CSMD1: variants seen among roughly 807,000 people sequenced by gnomAD.
The protein encoded by CSMD1 is CUB and sushi domain-containing protein 1.
In CSMD1, 213 loss-of-function variants were observed where a neutral mutation model predicts 417.5. The ratio of observed to expected loss-of-function variants is 0.51; its 90% CI spans 0.46 to 0.57. The LOEUF (loss-of-function observed/expected upper bound fraction) is 0.57. Among genes scored for constraint, CSMD1 ranks in the 20% least tolerant of loss-of-function variants. CSMD1 has a pLI of 0.00. For missense variants in CSMD1, 6,923 were observed against 4,529.7 expected, an observed-to-expected ratio of 1.53 and a Z score of -15.17; for synonymous variants, 2,862 against 1,736.8, an observed-to-expected ratio of 1.65 and a Z score of -16.11.
intron 9 of CSMD1, among the ~76,000 whole-genome samples, chr8:3,583,471 G>A (rs1282200038): frequency 6.6e-6 from 1 of 152,054 alleles, no homozygotes; most frequent in East Asian, 1.9e-4. Context: ...AGAGGTGGCA[G>A]AAGCTTAGCA....
intron 41 of CSMD1, among the ~76,000 whole-genome samples, chr8:3,138,462 C>T (rs1818237684): frequency 6.6e-6 from 1 of 152,182 alleles, no homozygotes; most frequent in African/African-American, 2.4e-5. Context: ...GAAGGCACCT[C>T]TATCCTGAGT....
At chr8:3,883,821 T>C (rs1806374350) in intron 5 of CSMD1, among the ~76,000 whole-genome samples, 1 of 151,936 alleles carries the variant, frequency 6.6e-6, no homozygotes, top group Non-Finnish European at 1.5e-5. Flanking sequence ...CAACTACTGA[T>C]CAGAGGAATG....
chr8:4,275,450 A>T (rs1321918357), intron 3 of CSMD1, among the ~76,000 whole-genome samples: 1 of 152,168 alleles, frequency 6.6e-6, no homozygotes, highest in East Asian at 1.9e-4. Context: ...TATGGCCTTT[A>T]TTTAAAATTT....
At chr8:4,212,542 C>G (rs937419087) in intron 3 of CSMD1, among the ~76,000 whole-genome samples, 3 of 151,776 alleles carry the variant, frequency 2.0e-5, no homozygotes, top group East Asian at 3.9e-4. Context: ...AAATTTGTAG[C>G]CTTTTTTTTT....
chr8:4,078,574 T>A (rs898424364), intron 3 of CSMD1, among the ~76,000 whole-genome samples: 2 of 151,564 alleles, frequency 1.3e-5, no homozygotes, highest in African/African-American at 4.8e-5. Context: ...GATATCCAAC[T>A]TTTTAAACAT....
intron 2 of CSMD1, among the ~76,000 whole-genome samples, chr8:4,529,322 T>C (rs1796677089): frequency 6.6e-6 from 1 of 152,182 alleles, no homozygotes; most frequent in African/African-American, 2.4e-5. Flanking sequence ...CAAAAAAAAT[T>C]ACAAGAATCC....
chr8:3,453,975 G>C (rs1179905440), intron 12 of CSMD1, among the ~76,000 whole-genome samples: 2 of 152,078 alleles, frequency 1.3e-5, no homozygotes, highest in East Asian at 1.9e-4. Context: ...CTAAGGACTT[G>C]CTTTATGAAT....
chr8:4,742,207 T>G (rs1233712324), intron 1 of CSMD1, among the ~76,000 whole-genome samples: 1 of 151,004 alleles, frequency 6.6e-6, no homozygotes, highest in Non-Finnish European at 1.5e-5. Flanking sequence ...ATTTTTTGTA[T>G]TTTTAGTAGA....
chr8:3,510,197 G>A (rs1286332849), intron 10 of CSMD1, among the ~76,000 whole-genome samples: 1 of 149,736 alleles, frequency 6.7e-6, no homozygotes, highest in Non-Finnish European at 1.5e-5. Context: ...GCTGTACTGT[G>A]GGGCTGGACA....
At chr8:4,369,094 C>A (rs139349947) in intron 3 of CSMD1, among the ~76,000 whole-genome samples, 20 of 152,204 alleles carry the variant, frequency 1.3e-4, no homozygotes, top group Admixed American at 4.6e-4. Context: ...GTGCTAAAAA[C>A]TTTCCTCTTA....
intron 2 of CSMD1, among the ~76,000 whole-genome samples, chr8:4,527,819 A>G (rs1004432006): frequency 9.2e-5 from 14 of 152,212 alleles, no homozygotes; most frequent in African/African-American, 3.4e-4. Context: ...CAGAAGTTAG[A>G]AAGATTAAGT....
chr8:3,971,573 C>G, intron 5 of CSMD1, among the ~76,000 whole-genome samples: 1 of 152,058 alleles, frequency 6.6e-6, no homozygotes, highest in East Asian at 1.9e-4. Context: ...AAAATTAATA[C>G]CATAATTTTG....
At chr8:3,177,346 C>T (rs1316580810) in intron 37 of CSMD1, among the ~76,000 whole-genome samples, 1 of 152,190 alleles carries the variant, frequency 6.6e-6, no homozygotes, top group African/African-American at 2.4e-5. Flanking sequence ...GCCCCCAGTG[C>T]AGAGGCTCTG....
chr8:3,782,297 C>T (rs1345585015), intron 5 of CSMD1, among the ~76,000 whole-genome samples: 1 of 152,076 alleles, frequency 6.6e-6, no homozygotes, highest in East Asian at 1.9e-4. Flanking sequence ...TATATATTTC[C>T]ATGCTAACCA....
chr8:3,626,320 C>G (rs1476170462), intron 7 of CSMD1, among the ~76,000 whole-genome samples: 3 of 152,120 alleles, frequency 2.0e-5, no homozygotes, highest in Non-Finnish European at 2.9e-5. Flanking sequence ...GTTTTGGGGG[C>G]TCACTCAAAA....
chr8:3,388,363 T>C (rs932995711), intron 17 of CSMD1, among the ~76,000 whole-genome samples: 2 of 151,480 alleles, frequency 1.3e-5, no homozygotes, highest in African/African-American at 4.8e-5. Flanking sequence ...CTCATTTCTC[T>C]TTTTAGAAAA....
At chr8:3,751,694 C>A (rs891226466) in intron 6 of CSMD1, among the ~76,000 whole-genome samples, 7 of 151,882 alleles carry the variant, frequency 4.6e-5, no homozygotes, top group African/African-American at 1.7e-4. Flanking sequence ...CTATTTTCTG[C>A]CAACCAATGA....
intron 50 of CSMD1, among the ~76,000 whole-genome samples, chr8:3,045,296 C>G (rs536705226): frequency 1.4e-4 from 21 of 152,246 alleles, no homozygotes; most frequent in African/African-American, 3.9e-4. Context: ...TTTAATGGAA[C>G]CTGCAATAAC....
intron 23 of CSMD1, among the ~76,000 whole-genome samples, chr8:3,316,078 G>T (rs1298261830): frequency 1.3e-5 from 2 of 152,112 alleles, no homozygotes; most frequent in Non-Finnish European, 2.9e-5. Flanking sequence ...AACTCAGAGT[G>T]GGGGAACTTG....
Sources: allele counts gnomAD v4.1 joint callset (sites outside exome capture counted in the v4.1 genomes callset), GRCh38; gene constraint gnomAD v4.1.1; transcripts MANE v1.5; gene names NCBI Gene and HGNC (gene_info 2026-07-23, HGNC 2026-07-21).